The following TXNDC16 variants were observed in gnomAD, a reference collection of about 807,000 sequenced individuals.
The protein encoded by TXNDC16 is thioredoxin domain containing 16, also known as thioredoxin domain-containing protein 16.
Under a neutral mutation model 85.6 loss-of-function variants are expected in TXNDC16, and 74 were observed. That is an observed-to-expected ratio of 0.86 (90% CI 0.72 to 1.05). The LOEUF is 1.05. TXNDC16 is among the 50% of genes least tolerant of loss of function. The pLI, the probability that TXNDC16 is intolerant of heterozygous loss-of-function variation, is 0.00. For missense variants in TXNDC16, 959 were observed against 947.0 expected (o/e 1.01, Z -0.17); for synonymous variants, 335 against 326.5 (o/e 1.03, Z -0.28).
intron 18 of TXNDC16, among the ~76,000 whole-genome samples, chr14:52,441,149 T>C (rs1238840851): frequency 1.3e-5 from 2 of 152,148 alleles, no homozygotes; most frequent in African/African-American, 4.8e-5. Context: ...TTAATAAATA[T>C]AAAATTTTAC....
In TXNDC16 at chr14:52,543,398, C is replaced by A; in HGVS notation, c.160G>T (p.Asp54Tyr). The stretch of plus-strand genomic sequence containing the variant: ...ATATTAGAATTTTAAAAATACTTAC[C>A]AGCTTGACAAAAATAAGCTAAAGAG... ...KASLAYFCQA[D>Y]SPRTSVFLEE... The change falls in exon 3 of 21, where the codon GAT becomes TAT. Residue 54 changes from aspartate to tyrosine, a missense_variant and splice_region_variant. Physicochemically the swap from Asp to Tyr is radical, Grantham distance 160. Coordinates refer to ENST00000281741, the MANE Select transcript of TXNDC16 (RefSeq NM_020784.3). 1 of 1,599,748 alleles carries A rather than the reference C, an allele frequency of 6.3e-7. No individual in the cohort carries two copies. Among genetic ancestry groups the A allele is most frequent in the Non-Finnish European group, 8.5e-7 (1 of 1,175,584 alleles).
At chr14:52,528,625 CAA>C (rs1305626755) in intron 6 of TXNDC16, among the ~76,000 whole-genome samples, 1 of 150,736 alleles carries the variant, frequency 6.6e-6, no homozygotes, top group Non-Finnish European at 1.5e-5. Flanking sequence ...AGAAAAAAGA[CAA>C]GAATATAAAT....
chr14:52,448,410 T>C (rs2104568), intron 18 of TXNDC16, among the ~76,000 whole-genome samples: 85,492 of 151,514 alleles, frequency 0.56, 26,865 homozygotes, highest in African/African-American at 0.86. Flanking sequence ...AAAAAAAAAC[T>C]TTTTACCCTA....
At chr14:52,480,981 A>G (rs200968989) in intron 14 of TXNDC16, among the ~76,000 whole-genome samples, 130 of 96,896 alleles carry the variant, frequency 1.3e-3, no homozygotes, top group African/African-American at 3.6e-3. Flanking sequence ...ATATGTATAT[A>G]TATATATATA....
intron 12 of TXNDC16, among the ~76,000 whole-genome samples, chr14:52,486,640 C>G (rs907777754): frequency 1.3e-5 from 2 of 152,048 alleles, no homozygotes; most frequent in Non-Finnish European, 2.9e-5. Flanking sequence ...TTTCCTAACC[C>G]TTATCTAGTT....
intron 7 of TXNDC16, among the ~76,000 whole-genome samples, chr14:52,517,720 G>A (rs1411034526): frequency 6.6e-6 from 1 of 151,888 alleles, no homozygotes; most frequent in Non-Finnish European, 1.5e-5. Flanking sequence ...TTTTTCCTGT[G>A]TGAGGCATTT....
chr14:52,437,868 A>G (rs2035067624), intron 20 of TXNDC16, among the ~76,000 whole-genome samples: 1 of 152,186 alleles, frequency 6.6e-6, no homozygotes, highest in Non-Finnish European at 1.5e-5. Flanking sequence ...ATGAGATATC[A>G]CCTCACCCCA....
intron 3 of TXNDC16, among the ~76,000 whole-genome samples, 161 bp from the exon 4 acceptor site, chr14:52,542,614 CTCATTAT>C (rs1474518972): frequency 3.3e-5 from 5 of 152,210 alleles, no homozygotes; most frequent in Middle Eastern, 3.4e-3. Flanking sequence ...TTACTATTGC[CTCATTAT>C]TCTTATTTCT....
intron 9 of TXNDC16, among the ~76,000 whole-genome samples, chr14:52,507,817 G>A (rs2036848925): frequency 6.6e-6 from 1 of 152,152 alleles, no homozygotes; most frequent in South Asian, 2.1e-4. Context: ...ATTGGGGAAA[G>A]GATTCCCTAT....
At chr14:52,516,929 T>A (rs1415997523) in intron 7 of TXNDC16, among the ~76,000 whole-genome samples, 1 of 152,158 alleles carries the variant, frequency 6.6e-6, no homozygotes, top group African/African-American at 2.4e-5. Flanking sequence ...TTTATTATTA[T>A]CCAGGTAGAT....
At chr14:52,443,855 G>A (rs1404720969) in intron 18 of TXNDC16, among the ~76,000 whole-genome samples, 1 of 152,174 alleles carries the variant, frequency 6.6e-6, no homozygotes. Flanking sequence ...AAAAGAGAAA[G>A]ACCAAGAGAT....
chr14:52,549,595 T>A (rs537493285), intron 1 of TXNDC16, among the ~76,000 whole-genome samples: 1 of 152,048 alleles, frequency 6.6e-6, no homozygotes, highest in African/African-American at 2.4e-5. Flanking sequence ...TGGTATAGGG[T>A]ACTGTATGCA....
intron 14 of TXNDC16, among the ~76,000 whole-genome samples, chr14:52,479,056 CA>C (rs936672261): frequency 1.3e-5 from 2 of 152,038 alleles, no homozygotes; most frequent in African/African-American, 4.8e-5. Context: ...GAATCAAAAA[CA>C]AAAATCACAT....
intron 14 of TXNDC16, among the ~76,000 whole-genome samples, chr14:52,474,060 A>T (rs1227416383): frequency 1.3e-5 from 2 of 152,246 alleles, no homozygotes; most frequent in African/African-American, 4.8e-5. Flanking sequence ...CATAAAGAAC[A>T]TAGTGAATGA....
intron 6 of TXNDC16, among the ~76,000 whole-genome samples, chr14:52,531,053 G>A (rs1368630406): frequency 6.6e-6 from 1 of 151,988 alleles, no homozygotes; most frequent in East Asian, 1.9e-4. Context: ...ATAGACAGAT[G>A]GAAAATAAGC....
At chr14:52,551,385 G>A (rs1191832251) in intron 1 of TXNDC16, among the ~76,000 whole-genome samples, 2 of 151,544 alleles carry the variant, frequency 1.3e-5, no homozygotes, top group Non-Finnish European at 2.9e-5. Context: ...AGGCTGAGGT[G>A]GGAGGACTGC....
intron 18 of TXNDC16, among the ~76,000 whole-genome samples, chr14:52,442,666 C>A (rs2035193781): frequency 6.6e-6 from 1 of 152,092 alleles, no homozygotes; most frequent in Non-Finnish European, 1.5e-5. Flanking sequence ...TCCAAATTCC[C>A]CTATGCTGTC....
At chr14:52,529,592 TTATA>T (rs1284161777) in intron 6 of TXNDC16, among the ~76,000 whole-genome samples, 3 of 100,476 alleles carry the variant, frequency 3.0e-5, no homozygotes, top group African/African-American at 4.8e-5. Context: ...ATAATGCCTA[TTATA>T]TATATTATAT....
intron 14 of TXNDC16, among the ~76,000 whole-genome samples, chr14:52,478,864 A>G (rs187302909): frequency 3.9e-5 from 6 of 152,228 alleles, no homozygotes; most frequent in Admixed American, 2.6e-4. Context: ...ATAACCAAAA[A>G]AGAAAACTAC....
Sources: allele counts gnomAD v4.1 joint callset (sites outside exome capture counted in the v4.1 genomes callset), GRCh38; gene constraint gnomAD v4.1.1; transcripts MANE v1.5; gene names NCBI Gene and HGNC (gene_info 2026-07-23, HGNC 2026-07-21).